Variants in PELI2 observed in about 807,000 individuals in gnomAD.
The protein encoded by PELI2 is E3 ubiquitin-protein ligase pellino homolog 2.
Under a neutral mutation model 42.3 loss-of-function variants are expected in PELI2, and 23 were observed. The ratio of observed to expected loss-of-function variants is 0.54; its 90% CI spans 0.39 to 0.77. The LOEUF is 0.77. Among genes scored for constraint, PELI2 ranks in the 30% least tolerant of loss-of-function variants. PELI2 has a pLI of 0.00. For missense variants in PELI2, 463 were observed against 553.2 expected, an observed-to-expected ratio of 0.84 and a Z score of 1.64; for synonymous variants, 245 against 212.2, an observed-to-expected ratio of 1.15 and a Z score of -1.34.
At chr14:56,269,914 ATATTC>A (rs1889037820) in intron 2 of PELI2, among the ~76,000 whole-genome samples, 1 of 152,218 alleles carries the variant, frequency 6.6e-6, no homozygotes, top group African/African-American at 2.4e-5. Flanking sequence ...TTTCCCAACT[ATATTC>A]AAGTCAGATC....
At chr14:56,191,126 C>A (rs1594624547) in intron 2 of PELI2, among the ~76,000 whole-genome samples, 1 of 152,134 alleles carries the variant, frequency 6.6e-6, no homozygotes, top group East Asian at 1.9e-4. Context: ...TTGGTCCTGA[C>A]AAGTCTCTGT....
intron 2 of PELI2, among the ~76,000 whole-genome samples, chr14:56,277,835 A>G (rs1272838124): frequency 6.6e-6 from 1 of 152,218 alleles, no homozygotes; most frequent in African/African-American, 2.4e-5. Context: ...GAGCAACTCC[A>G]TTTGAGGGCT....
intron 5 of PELI2, among the ~76,000 whole-genome samples, chr14:56,294,502 C>T (rs569673022): frequency 1.3e-5 from 2 of 152,312 alleles, no homozygotes; most frequent in African/African-American, 4.8e-5. Flanking sequence ...CCAAGGGCAG[C>T]AGAAAGCCGC....
chr14:56,205,631 A>G (rs1886491628), intron 2 of PELI2, among the ~76,000 whole-genome samples: 1 of 152,232 alleles, frequency 6.6e-6, no homozygotes, highest in South Asian at 2.1e-4. Context: ...TAGCAAAACT[A>G]TTTGGTAGTT....
At chr14:56,285,656 T>C (rs745642587) in intron 3 of PELI2, among the ~76,000 whole-genome samples, 5 of 152,174 alleles carry the variant, frequency 3.3e-5, no homozygotes, top group African/African-American at 1.2e-4. Flanking sequence ...TAGCAATATA[T>C]TGATTTTTGG....
At chr14:56,140,464 G>C (rs182657830) in intron 1 of PELI2, among the ~76,000 whole-genome samples, 39 of 152,286 alleles carry the variant, frequency 2.6e-4, no homozygotes, top group African/African-American at 9.1e-4. Context: ...CCTTCACAGT[G>C]AGGTCTAAAA....
intron 2 of PELI2, among the ~76,000 whole-genome samples, chr14:56,234,875 G>A (rs908264782): frequency 6.6e-6 from 1 of 152,142 alleles, no homozygotes; most frequent in African/African-American, 2.4e-5. Flanking sequence ...CTTGTGCATA[G>A]CATGGGGATG....
intron 1 of PELI2, among the ~76,000 whole-genome samples, chr14:56,143,278 G>A (rs2139607108): frequency 6.6e-6 from 1 of 152,344 alleles, no homozygotes; most frequent in African/African-American, 2.4e-5. Flanking sequence ...GAAGTAATGT[G>A]TTCTTAGTGT....
chr14:56,238,049 A>G (rs548943659), intron 2 of PELI2, among the ~76,000 whole-genome samples: 8 of 152,076 alleles, frequency 5.3e-5, no homozygotes, highest in South Asian at 2.1e-4. Context: ...ATTTAATTCT[A>G]TTTATCTTTG....
intron 3 of PELI2, among the ~76,000 whole-genome samples, chr14:56,286,396 G>A (rs1221341146): frequency 3.3e-5 from 5 of 152,194 alleles, no homozygotes; most frequent in Non-Finnish European, 7.4e-5. Context: ...GGCCCTTCTA[G>A]ATGCTTTGAT....
chr14:56,160,402 G>C (rs1172083963), intron 1 of PELI2, among the ~76,000 whole-genome samples: 1 of 152,174 alleles, frequency 6.6e-6, no homozygotes, highest in African/African-American at 2.4e-5. Context: ...TTTGCACCAG[G>C]TCTTTTACTT....
intron 1 of PELI2, among the ~76,000 whole-genome samples, chr14:56,146,491 C>T (rs764611164): frequency 7.9e-5 from 12 of 152,026 alleles, no homozygotes; most frequent in Admixed American, 3.3e-4. Context: ...ACTGGAAGTT[C>T]GTATAAGATA....
chr14:56,119,729 G>T, intron 1 of PELI2: 1 of 966,338 alleles, frequency 1.0e-6, no homozygotes, highest in Non-Finnish European at 1.2e-6. Flanking sequence ...GCAGGAAACT[G>T]GGGGGAAGGA....
chr14:56,226,632 T>C (rs1292834677), intron 2 of PELI2, among the ~76,000 whole-genome samples: 2 of 152,222 alleles, frequency 1.3e-5, no homozygotes, highest in Non-Finnish European at 2.9e-5. Flanking sequence ...CTTCCAGACG[T>C]AGATGCCATG....
At chr14:56,128,676 T>TG (rs1261011496) in intron 1 of PELI2, among the ~76,000 whole-genome samples, 1 of 151,940 alleles carries the variant, frequency 6.6e-6, no homozygotes, top group Admixed American at 6.6e-5. Flanking sequence ...CTGAAGTACT[T>TG]GGGGAGGGAG....
intron 1 of PELI2, among the ~76,000 whole-genome samples, chr14:56,129,674 G>A (rs242385): frequency 0.1 from 15,750 of 152,178 alleles, 1,067 homozygotes; most frequent in East Asian, 0.29. Context: ...CCCTCAGGAG[G>A]CAGAATGGGC....
Position 56,296,888 on chromosome 14 carries a change from G to T in PELI2, c.985G>T (p.Glu329Ter), listed in dbSNP as rs1458937692. Residue 329 changes from glutamate to a stop codon, truncating the protein, a stop_gained, in exon 6 of 6, where the codon GAG (glutamate) becomes TAG (stop). Transcript: ENST00000267460. LOFTEE classifies it high-confidence loss of function. ...YHNWGHRSDT[E>*]ANERECPMCR... ...CAACTGGGGCCATCGGAGTGACACG[G>T]AGGCCAACGAGAGGGAGTGTCCCAT... 6.2e-7 allele frequency: 1 copy of T among 1,614,184 alleles called. No homozygotes were observed.
chr14:56,284,362 C>G (rs1459742615), intron 3 of PELI2, among the ~76,000 whole-genome samples: 1 of 152,134 alleles, frequency 6.6e-6, no homozygotes, highest in African/African-American at 2.4e-5. Context: ...TAGAGGGGTG[C>G]ATTGTCTTTA....
intron 2 of PELI2, among the ~76,000 whole-genome samples, chr14:56,235,536 C>T (rs1019854869): frequency 5.9e-5 from 9 of 152,218 alleles, no homozygotes; most frequent in African/African-American, 2.2e-4. Context: ...GAGCTGCTGG[C>T]CTAACTGTCC....
Sources: allele counts gnomAD v4.1 joint callset (sites outside exome capture counted in the v4.1 genomes callset), GRCh38; gene constraint gnomAD v4.1.1; transcripts MANE v1.5; gene names NCBI Gene and HGNC (gene_info 2026-07-23, HGNC 2026-07-21).